The following DNAH12 variants were observed in gnomAD, a reference collection of about 807,000 sequenced individuals.
DNAH12 encodes the protein axonemal beta dynein heavy chain 12.
DNAH12 carries 285 observed loss-of-function variants against 371.5 expected under a neutral mutation model. The observed-to-expected ratio is 0.77, with a 90% CI of 0.70 to 0.85. DNAH12 has a LOEUF of 0.85. Among genes scored for constraint, DNAH12 ranks in the 40% least tolerant of loss-of-function variants. DNAH12 has a pLI of 0.00. For synonymous variants in DNAH12, 1,200 were observed against 1,213.0 expected (o/e 0.99, Z 0.22); for missense variants, 3,611 against 3,689.4 (o/e 0.98, Z 0.55).
At chr3:57,545,438 C>T (rs2069495030), upstream of DNAH12, among the ~76,000 whole-genome samples, 1 of 151,656 alleles carries the variant, frequency 6.6e-6, no homozygotes. Context: ...GGATTACAGG[C>T]GTGAACCACT....
chr3:57,554,145 GACA>G, the DNAH12 span, among the ~76,000 whole-genome samples: 7,092 of 129,712 alleles, frequency 0.055, 713 homozygotes, highest in African/African-American at 0.12. Flanking sequence ...AAATTAGCCA[GACA>G]TGGCAGTGCA....
At chr3:57,437,257 A>C (rs1453531412) in intron 29 of DNAH12, among the ~76,000 whole-genome samples, 197 bp from the exon 30 acceptor site, 2 of 152,208 alleles carry the variant, frequency 1.3e-5, no homozygotes, top group Non-Finnish European at 2.9e-5. Context: ...AGTCTTCCCT[A>C]TTGTAAGTTA....
intron 44 of DNAH12, among the ~76,000 whole-genome samples, chr3:57,392,622 CA>C (rs1178808509): frequency 1.3e-5 from 2 of 151,912 alleles, no homozygotes; most frequent in Admixed American, 6.6e-5. Flanking sequence ...CAAAAAAACA[CA>C]CACACAGTGT....
chr3:57,400,954 A>C (rs1398929267), intron 43 of DNAH12, among the ~76,000 whole-genome samples: 8 of 152,350 alleles, frequency 5.3e-5, no homozygotes, highest in African/African-American at 1.9e-4. Context: ...AGGATAGACC[A>C]CATTAGGCCA....
At chr3:57,397,214 T>C (rs2063760468) in intron 43 of DNAH12, among the ~76,000 whole-genome samples, 1 of 152,166 alleles carries the variant, frequency 6.6e-6, no homozygotes. Context: ...TGAAGACATG[T>C]ATTAGCAATA....
intron 2 of DNAH12, among the ~76,000 whole-genome samples, chr3:57,524,933 G>C (rs1470552): frequency 6.6e-5 from 10 of 151,818 alleles, no homozygotes; most frequent in Non-Finnish European, 1.3e-4. Context: ...TAGACAATGG[G>C]GAGTAATCGA....
At chr3:57,447,982 T>C (rs1396380895) in intron 25 of DNAH12, among the ~76,000 whole-genome samples, 1 of 152,176 alleles carries the variant, frequency 6.6e-6, no homozygotes, top group Admixed American at 6.5e-5. Context: ...GCCAACCTAT[T>C]TTAAATTTAT....
intron 4 of DNAH12, among the ~76,000 whole-genome samples, chr3:57,521,936 T>A (rs56166716): frequency 0.014 from 2,118 of 151,006 alleles, 52 homozygotes; most frequent in African/African-American, 0.049. Flanking sequence ...AGAAAAAATA[T>A]CTTTTGGCCA....
At chr3:57,342,797 G>T (rs1215942005) in intron 60 of DNAH12, among the ~76,000 whole-genome samples, 2 of 151,912 alleles carry the variant, frequency 1.3e-5, no homozygotes, top group South Asian at 4.2e-4. Flanking sequence ...AATGAGGCTA[G>T]CATGATGGTT....
chr3:57,489,557 T>G lies in DNAH12; in HGVS notation c.1466A>C (p.Asn489Thr). ...TGAAGCTATGTCATTTAATAATATGTTTGCAAAGGCTTTTGCTTTATTTGT... is the reference window on the plus strand; with the variant it reads ...TGAAGCTATGTCATTTAATAATATGGTTGCAAAGGCTTTTGCTTTATTTGT... ...GLTNKAKAFA[N>T]ILLNDIASKY... The change falls in exon 12 of 74, where the codon AAC becomes ACC. Residue 489 changes from asparagine (N) to threonine (T), a missense_variant. Transcript: ENST00000495027. 6.5e-7 allele frequency: 1 copy of G among 1,530,026 alleles called. No individual in the cohort carries two copies. The highest frequency in any genetic ancestry group is 8.8e-7 in the Non-Finnish European group (1 of 1,141,278). The allele number at this position is 1,530,026 out of a possible 1,614,324, so 94.8% of individuals were successfully genotyped here.
At chr3:57,389,822 G>GTGTT (rs1326306277) in intron 45 of DNAH12, among the ~76,000 whole-genome samples, 2 of 45,856 alleles carry the variant, frequency 4.4e-5, no homozygotes, top group Non-Finnish European at 1.4e-4. Flanking sequence ...GTGTGTGTGT[G>GTGTT]TATATATATA....
chr3:57,394,987 T>C (rs2063706804), intron 43 of DNAH12, among the ~76,000 whole-genome samples: 1 of 152,186 alleles, frequency 6.6e-6, no homozygotes, highest in Non-Finnish European at 1.5e-5. Context: ...CAGTAGTTTG[T>C]AAAACATAGC....
intron 29 of DNAH12, among the ~76,000 whole-genome samples, chr3:57,438,015 A>G (rs1192348152): frequency 6.6e-6 from 1 of 152,184 alleles, no homozygotes; most frequent in African/African-American, 2.4e-5. Flanking sequence ...CTGCAGGAAA[A>G]TAATACCACC....
chr3:57,336,750 C>A (rs1365222160), intron 60 of DNAH12, among the ~76,000 whole-genome samples: 1 of 152,116 alleles, frequency 6.6e-6, no homozygotes, highest in African/African-American at 2.4e-5. Context: ...CTCACATCCT[C>A]ACAATAAGAA....
chr3:57,437,168 T>C (rs1369832308), intron 29 of DNAH12, 108 bp from the exon 30 acceptor site: 6 of 716,384 alleles, frequency 8.4e-6, no homozygotes, highest in Non-Finnish European at 9.1e-6. Context: ...ACTATCATCA[T>C]TGTTTATTAT....
intron 13 of DNAH12, among the ~76,000 whole-genome samples, chr3:57,474,321 A>C (rs952454522): frequency 2.6e-5 from 4 of 152,136 alleles, no homozygotes; most frequent in Non-Finnish European, 4.4e-5. Flanking sequence ...TTTGAGACAG[A>C]GTTTCACTCT....
intron 32 of DNAH12, among the ~76,000 whole-genome samples, chr3:57,433,041 G>C (rs1324431752): frequency 6.6e-6 from 1 of 151,832 alleles, no homozygotes; most frequent in East Asian, 1.9e-4. Flanking sequence ...TTAGGCTTTT[G>C]TTATTTTATC....
chr3:57,337,048 A>G (rs564852806), intron 60 of DNAH12, among the ~76,000 whole-genome samples: 1 of 152,368 alleles, frequency 6.6e-6, no homozygotes, highest in East Asian at 1.9e-4. Context: ...CAGTAACAGG[A>G]TGAAAAGAGA....
Position 57,523,870 on chromosome 3 carries a change from T to C in DNAH12, c.185A>G (p.Lys62Arg). Residue 62 changes from lysine (K) to arginine (R), a missense_variant, in exon 3 of 74, where the codon AAA becomes AGA. Coordinates refer to ENST00000495027, the MANE Select transcript of DNAH12 (RefSeq NM_001366028.2). The stretch of plus-strand genomic sequence containing the variant: ...ACCCAGTGTTCTGTCTAAATTTCTT[T>C]TGGCTCCATCAATTCTGAAATTTAT... ...KINQLVIDGA[K>R]RNLDRTLGKR... 1.2e-6 allele frequency: 2 copies of C among 1,601,144 alleles called. No homozygotes were observed. The highest frequency in any genetic ancestry group is 1.7e-6 in the Non-Finnish European group (2 of 1,174,450).
Sources: allele counts gnomAD v4.1 joint callset (sites outside exome capture counted in the v4.1 genomes callset), GRCh38; gene constraint gnomAD v4.1.1; transcripts MANE v1.5; gene names NCBI Gene and HGNC (gene_info 2026-07-23, HGNC 2026-07-21).